The following PEPD variants were observed in gnomAD, a reference collection of about 807,000 sequenced individuals.
PEPD encodes peptidase D, also known as xaa-Pro dipeptidase.
A neutral mutation model predicts 60.7 loss-of-function variants in PEPD; 53 were observed. That is an observed-to-expected ratio of 0.87 (90% CI 0.70 to 1.10). The LOEUF is 1.10. PEPD is among the 50% of genes least tolerant of loss of function. The probability of loss-of-function intolerance (pLI) is 0.00; values close to 1 mark genes in which losing one functional copy is unlikely to be tolerated. For missense variants in PEPD, 711 were observed against 711.9 expected (o/e 1.00, Z 0.01); for synonymous variants, 267 against 284.1 (o/e 0.94, Z 0.60).
At chr19:33,387,671 G>A (rs1968108114) in intron 14 of PEPD, 190 bp from the exon 15 acceptor site, 2 of 821,764 alleles carry the variant, frequency 2.4e-6, no homozygotes, top group Admixed American at 2.0e-5. Context: ...TTTGCCAGGT[G>A]GATGGGAGCC....
chr19:33,428,374 C>T (rs1431740267), intron 9 of PEPD, among the ~76,000 whole-genome samples: 1 of 152,220 alleles, frequency 6.6e-6, no homozygotes, highest in Non-Finnish European at 1.5e-5. Context: ...CCACCCACTT[C>T]TAGCACCTTC....
At chr19:33,476,153 A>G (rs947256156) in intron 7 of PEPD, among the ~76,000 whole-genome samples, 22 of 152,336 alleles carry the variant, frequency 1.4e-4, no homozygotes, top group Admixed American at 4.6e-4. Context: ...GGCGTGAGCC[A>G]CCAGCTTGGC....
chr19:33,422,628 A>ATCTT (rs1969044810), intron 9 of PEPD, among the ~76,000 whole-genome samples: 1 of 47,944 alleles, frequency 2.1e-5, no homozygotes, highest in African/African-American at 1.0e-4. Flanking sequence ...TCCCTCTATC[A>ATCTT]TCTATCTACC....
At chr19:33,424,909 A>G (rs1032983702) in intron 9 of PEPD, among the ~76,000 whole-genome samples, 1 of 152,190 alleles carries the variant, frequency 6.6e-6, no homozygotes, top group Non-Finnish European at 1.5e-5. Context: ...TACTACCATG[A>G]GAACAGTATG....
intron 6 of PEPD, among the ~76,000 whole-genome samples, chr19:33,489,078 G>A (rs1489048863): frequency 2.6e-5 from 4 of 152,018 alleles, no homozygotes; most frequent in Non-Finnish European, 5.9e-5. Context: ...GGGCTCTCCC[G>A]CCCTCTCCAG....
chr19:33,472,568 T>C (rs558035448), intron 7 of PEPD, among the ~76,000 whole-genome samples: 10 of 152,364 alleles, frequency 6.6e-5, no homozygotes, highest in Non-Finnish European at 1.3e-4. Context: ...GAGGCAAAGA[T>C]GTACTTGTGC....
intron 9 of PEPD, among the ~76,000 whole-genome samples, chr19:33,440,477 G>A (rs993414828): frequency 3.6e-4 from 55 of 152,144 alleles, no homozygotes; most frequent in African/African-American, 1.2e-3. Flanking sequence ...CAGCTGGACC[G>A]TGGCCCTCCT....
Position 33,402,094 on chromosome 19 carries a change from A to C in PEPD, c.819-225T>G, listed in dbSNP as rs190098078. Among the ~76,000 whole-genome samples the C allele has an allele frequency of 5.5e-4, 84 of 152,272 alleles. 1 individual carries two copies. The highest frequency in any genetic ancestry group is 2.0e-3 in the African/African-American group (83 of 41,548). ...CCTGGAAGACCTGTGTCTTCCAGGG[A>C]AAAAGGGACTCAGGGCTCAGCCCAG... On this transcript the variant is annotated intron_variant, in intron 11 of 14. Coordinates refer to ENST00000244137, the MANE Select transcript of PEPD (RefSeq NM_000285.4).
intron 9 of PEPD, among the ~76,000 whole-genome samples, chr19:33,419,581 C>T (rs10417731): frequency 0.064 from 9,782 of 152,224 alleles, 1,079 homozygotes; most frequent in African/African-American, 0.22. Flanking sequence ...GGTTTTGACC[C>T]GGATGCCTCT....
chr19:33,485,491 T>TAAAAAAAAAAAAAAAAAAAAA (rs908651690), intron 6 of PEPD, among the ~76,000 whole-genome samples: 75 of 110,908 alleles, frequency 6.8e-4, no homozygotes, highest in African/African-American at 2.6e-3. Flanking sequence ...AGACTCTGTC[T>TAAAAAAAAAAAAAAAAAAAAA]AAAAAAAAAA....
At chr19:33,475,863 T>C (rs1429814023) in intron 7 of PEPD, among the ~76,000 whole-genome samples, 2 of 152,148 alleles carry the variant, frequency 1.3e-5, no homozygotes, top group Admixed American at 1.3e-4. Context: ...CAGGCATTTG[T>C]TACTTTATTT....
chr19:33,458,322 G>A (rs1002638479), intron 9 of PEPD, among the ~76,000 whole-genome samples: 6 of 151,660 alleles, frequency 4.0e-5, no homozygotes, highest in Middle Eastern at 6.8e-3. Flanking sequence ...GGCATGCGAT[G>A]TGTGGTGTGT....
At chr19:33,495,664 T>C (rs953280815) in intron 4 of PEPD, among the ~76,000 whole-genome samples, 1 of 152,006 alleles carries the variant, frequency 6.6e-6, no homozygotes, top group African/African-American at 2.4e-5. Flanking sequence ...AGAATGGCTG[T>C]GTCCTTTGGC....
chr19:33,468,516 G>A (rs947139822), intron 7 of PEPD, among the ~76,000 whole-genome samples: 4 of 152,210 alleles, frequency 2.6e-5, no homozygotes, highest in African/African-American at 9.6e-5. Flanking sequence ...CGAGGCAGGC[G>A]AGGATGGCGG....
intron 12 of PEPD, among the ~76,000 whole-genome samples, chr19:33,399,435 C>A (rs990264358): frequency 3.3e-5 from 5 of 152,192 alleles, no homozygotes; most frequent in African/African-American, 9.6e-5. Context: ...ATCTGGGGTC[C>A]CCCTGCTTGC....
At chr19:33,474,706 T>C (rs1450457924) in intron 7 of PEPD, among the ~76,000 whole-genome samples, 2 of 150,374 alleles carry the variant, frequency 1.3e-5, no homozygotes, top group African/African-American at 4.9e-5. Context: ...CCAGGCTGGG[T>C]GCGGTGGCTC....
At position 33,488,253 on chromosome 19, in the gene PEPD, C is replaced by A. The variant is rs181686553; in HGVS notation, c.503+1743G>T. Among the ~76,000 whole-genome samples, 70 of 152,222 alleles carry A rather than the reference C, an allele frequency of 4.6e-4. No homozygotes were observed. In the East Asian group the frequency reaches 0.011, roughly 23 times the overall value. On this transcript the variant is annotated intron_variant, in intron 6 of 14. Coordinates refer to ENST00000244137, the MANE Select transcript of PEPD (RefSeq NM_000285.4). ...AATGGGATTTGCTGGGGTTTGCATG[C>A]GGGCAACTGTCACTGAGCACCAGCT...
chr19:33,493,095 T>C (rs1364352989), intron 5 of PEPD, among the ~76,000 whole-genome samples, 195 bp downstream of exon 5: 1 of 152,194 alleles, frequency 6.6e-6, no homozygotes, highest in African/African-American at 2.4e-5. Context: ...CAGGCTGGCC[T>C]GGAACTCCTG....
chr19:33,391,187 G>T (rs1968208978), intron 13 of PEPD, 108 bp downstream of exon 13: 2 of 903,260 alleles, frequency 2.2e-6, no homozygotes, highest in Non-Finnish European at 3.6e-6. Context: ...GCCCATCCCT[G>T]CCATCCCAAT....
Sources: allele counts gnomAD v4.1 joint callset (sites outside exome capture counted in the v4.1 genomes callset), GRCh38; gene constraint gnomAD v4.1.1; transcripts MANE v1.5; gene names NCBI Gene and HGNC (gene_info 2026-07-23, HGNC 2026-07-21).